TMEM132D: variants seen among roughly 807,000 people sequenced by gnomAD.
TMEM132D encodes transmembrane protein 132D.
Under a neutral mutation model 62.3 loss-of-function variants are expected in TMEM132D, and 21 were observed. That is an observed-to-expected ratio of 0.34 (90% CI 0.24 to 0.49). The LOEUF is 0.49. Ranked by LOEUF, TMEM132D falls within the 20% of genes least tolerant of loss-of-function variation. TMEM132D has a pLI of 0.99. For synonymous variants in TMEM132D, 621 were observed against 575.6 expected (o/e 1.08, Z -1.13); for missense variants, 1,346 against 1,402.8 (o/e 0.96, Z 0.65).
intron 4 of TMEM132D, among the ~76,000 whole-genome samples, chr12:129,286,497 GA>G (rs1881300271): frequency 6.6e-6 from 1 of 152,136 alleles, no homozygotes; most frequent in Non-Finnish European, 1.5e-5. Flanking sequence ...TAAATAAATA[GA>G]AAGGTAATCA....
chr12:129,475,660 T>C (rs1020936557), intron 3 of TMEM132D, among the ~76,000 whole-genome samples: 2 of 152,180 alleles, frequency 1.3e-5, no homozygotes, highest in Non-Finnish European at 2.9e-5. Context: ...TCAAAAGAGG[T>C]ATAACTGCTT....
intron 2 of TMEM132D, among the ~76,000 whole-genome samples, chr12:129,636,316 T>A (rs1167168858): frequency 1.3e-5 from 2 of 152,224 alleles, no homozygotes; most frequent in Non-Finnish European, 2.9e-5. Flanking sequence ...GGTAAAATGC[T>A]TTGGTTCCTT....
At chr12:129,151,995 A>T (rs1877087929) in intron 5 of TMEM132D, among the ~76,000 whole-genome samples, 1 of 150,140 alleles carries the variant, frequency 6.7e-6, no homozygotes, top group African/African-American at 2.5e-5. Flanking sequence ...CTCCTGCCTC[A>T]GCCTCCCAAG....
chr12:129,076,300 A>T (rs899765567), intron 8 of TMEM132D, among the ~76,000 whole-genome samples: 2 of 152,248 alleles, frequency 1.3e-5, no homozygotes, highest in African/African-American at 4.8e-5. Context: ...AGTGGGCATG[A>T]AAGTGCTGAC....
intron 3 of TMEM132D, among the ~76,000 whole-genome samples, chr12:129,487,264 G>A (rs1010718208): frequency 5.4e-4 from 82 of 152,198 alleles, no homozygotes; most frequent in African/African-American, 1.8e-3. Flanking sequence ...CCCAGATGCC[G>A]TCACAGAGGC....
At chr12:129,544,058 G>A (rs73435668) in intron 2 of TMEM132D, among the ~76,000 whole-genome samples, 11,246 of 152,206 alleles carry the variant, frequency 0.074, 1,398 homozygotes, top group African/African-American at 0.26. Context: ...TAGAACTTGC[G>A]AAATTGACAT....
intron 2 of TMEM132D, among the ~76,000 whole-genome samples, chr12:129,692,865 A>G (rs1252347082): frequency 6.6e-6 from 1 of 152,092 alleles, no homozygotes; most frequent in East Asian, 1.9e-4. Flanking sequence ...CAGTGGGGGG[A>G]GAGCATTAAG....
At chr12:129,483,393 C>G (rs1467549210) in intron 3 of TMEM132D, among the ~76,000 whole-genome samples, 1 of 152,198 alleles carries the variant, frequency 6.6e-6, no homozygotes, top group Non-Finnish European at 1.5e-5. Context: ...AACACTGATT[C>G]TAACACACAC....
intron 2 of TMEM132D, among the ~76,000 whole-genome samples, chr12:129,665,417 G>A (rs1183660138): frequency 1.3e-5 from 2 of 152,234 alleles, no homozygotes; most frequent in East Asian, 3.9e-4. Flanking sequence ...TGGGAGAATA[G>A]CAGGAAATGA....
chr12:129,531,772 C>A (rs1224702963), intron 2 of TMEM132D, among the ~76,000 whole-genome samples: 2 of 152,208 alleles, frequency 1.3e-5, no homozygotes, highest in East Asian at 3.9e-4. Context: ...GTGGGAGCTA[C>A]TGCGCCCAGC....
At chr12:129,783,301 A>G (rs61943427) in intron 1 of TMEM132D, among the ~76,000 whole-genome samples, 9,078 of 152,290 alleles carry the variant, frequency 0.06, 324 homozygotes, top group East Asian at 0.1. Context: ...ATCTACCTTC[A>G]GAGGGTCAGA....
chr12:129,303,157 G>A (rs3895996), intron 4 of TMEM132D, among the ~76,000 whole-genome samples: 57,868 of 141,096 alleles, frequency 0.41, 11,303 homozygotes, highest in East Asian at 0.75. Flanking sequence ...ATCATCACTC[G>A]CCGGGACTCT....
intron 1 of TMEM132D, among the ~76,000 whole-genome samples, chr12:129,747,882 C>T (rs1215520614): frequency 2.0e-5 from 3 of 151,608 alleles, no homozygotes; most frequent in East Asian, 3.9e-4. Flanking sequence ...CACACACATT[C>T]AGACACACAC....
chr12:129,608,823 T>C (rs1205898107), intron 2 of TMEM132D, among the ~76,000 whole-genome samples: 1 of 152,142 alleles, frequency 6.6e-6, no homozygotes, highest in Non-Finnish European at 1.5e-5. Context: ...AACAGAGCGG[T>C]TCTCAAAGTT....
intron 5 of TMEM132D, among the ~76,000 whole-genome samples, chr12:129,118,197 T>C (rs901381790): frequency 4.6e-5 from 7 of 152,252 alleles, no homozygotes; most frequent in East Asian, 1.9e-4. Context: ...TCTAACATTC[T>C]GAAGTCGAAC....
At chr12:129,420,304 C>CTTTTTTTTTTTTTT (rs1566063045) in intron 3 of TMEM132D, among the ~76,000 whole-genome samples, 2 of 69,908 alleles carry the variant, frequency 2.9e-5, no homozygotes, top group African/African-American at 6.6e-5. Flanking sequence ...TGCACGTTCT[C>CTTTTTTTTTTTTTT]TGTTTTTTTT....
At chr12:129,174,188 C>G (rs981453144) in intron 5 of TMEM132D, among the ~76,000 whole-genome samples, 4 of 152,086 alleles carry the variant, frequency 2.6e-5, no homozygotes, top group Non-Finnish European at 5.9e-5. Flanking sequence ...CCATGGTGGT[C>G]TGCTGCACTT....
Position 129,529,120 on chromosome 12 carries a change from T to C in TMEM132D, c.1115+1939A>G, listed in dbSNP as rs1876142574. ...CTTTTTCCATCATCCAGACCCATAGTATGAGGAAACATATCCTGGCCTCCA... is the reference window on the plus strand; with the variant it reads ...CTTTTTCCATCATCCAGACCCATAGCATGAGGAAACATATCCTGGCCTCCA... On this transcript the variant is annotated intron_variant, in intron 3 of 8. Coordinates refer to ENST00000422113, the MANE Select transcript of TMEM132D (RefSeq NM_133448.3). Among the ~76,000 whole-genome samples, 5 of 152,272 alleles carry C rather than the reference T, an allele frequency of 3.3e-5. No individual in the cohort carries two copies. The South Asian group carries it at 8.3e-4, about 25-fold the overall frequency.
At chr12:129,667,449 GGTCTCGTTTGGAAAGCTAA>G (rs1423831585) in intron 2 of TMEM132D, among the ~76,000 whole-genome samples, 1 of 152,020 alleles carries the variant, frequency 6.6e-6, no homozygotes, top group African/African-American at 2.4e-5. Flanking sequence ...ATCTTTCTTG[GGTCTCGTTTGGAAAGCTAA>G]GTCTCCTATC....
Sources: allele counts gnomAD v4.1 joint callset (sites outside exome capture counted in the v4.1 genomes callset), GRCh38; gene constraint gnomAD v4.1.1; transcripts MANE v1.5; gene names NCBI Gene and HGNC (gene_info 2026-07-23, HGNC 2026-07-21).